Variants in SGK3 observed in about 807,000 individuals in gnomAD.
SGK3 encodes serum/glucocorticoid regulated kinase family member 3.
A neutral mutation model predicts 68.5 loss-of-function variants in SGK3; 47 were observed. The observed-to-expected ratio is 0.69, with a 90% CI of 0.54 to 0.87. The LOEUF is 0.87. Among genes scored for constraint, SGK3 ranks in the 40% least tolerant of loss-of-function variants. SGK3 has a pLI of 0.00. For missense variants in SGK3, 479 were observed against 575.5 expected, an observed-to-expected ratio of 0.83 and a Z score of 1.72; for synonymous variants, 181 against 189.1, an observed-to-expected ratio of 0.96 and a Z score of 0.35.
chr8:66,730,012 G>C (rs989289352), intron 1 of SGK3, among the ~76,000 whole-genome samples: 1 of 152,072 alleles, frequency 6.6e-6, no homozygotes, highest in Non-Finnish European at 1.5e-5. Flanking sequence ...TAAGTGTTAG[G>C]ATTACACCAG....
intron 1 of SGK3, among the ~76,000 whole-genome samples, chr8:66,729,191 T>TGGGCGA (rs1260374338): frequency 1.3e-5 from 2 of 150,856 alleles, no homozygotes. Context: ...TGCACTCCTC[T>TGGGCGA]CACGCCTGTA....
intron 8 of SGK3, among the ~76,000 whole-genome samples, chr8:66,834,585 A>G (rs185818334): frequency 2.6e-5 from 4 of 152,206 alleles, no homozygotes; most frequent in Admixed American, 2.6e-4. Context: ...TATGTATGCT[A>G]TGTTTAATAA....
Position 66,831,309 on chromosome 8 carries a change from A to G in SGK3, c.523A>G (p.Lys175Glu). Residue 175 changes from lysine to glutamate, a missense_variant and splice_region_variant, in exon 8 of 17, where the codon AAG becomes GAG. Around this residue, in one of 3 missense-constraint regions of SGK3, gnomAD observed 298 missense variants for 329.4 expected, o/e 0.90. Coordinates refer to ENST00000521198, the MANE Select transcript of SGK3 (RefSeq NM_001033578.3). Reference sequence around the variant, plus strand: ...AGTTATTGGAAAAGGCAGCTTTGGCAAGGTAAGAGTGTTTTGTGAGGTTTT... The same window carrying G: ...AGTTATTGGAAAAGGCAGCTTTGGCGAGGTAAGAGTGTTTTGTGAGGTTTT... ...LKVIGKGSFG[K>E]VLLAKRKLDG... 2.5e-6 allele frequency: 4 copies of G among 1,613,612 alleles called. No individual in the cohort carries two copies. Among genetic ancestry groups the G allele is most frequent in the Non-Finnish European group, 3.4e-6 (4 of 1,179,882 alleles).
intron 16 of SGK3, among the ~76,000 whole-genome samples, chr8:66,857,788 A>T (rs1293386878): frequency 2.6e-5 from 3 of 115,404 alleles, no homozygotes; most frequent in Non-Finnish European, 3.8e-5. Flanking sequence ...GTCTCAAAAA[A>T]GTGTGTGTGT....
chr8:66,851,051 A>T (rs1399001676), intron 16 of SGK3, 131 bp downstream of exon 16: 7 of 971,962 alleles, frequency 7.2e-6, no homozygotes, highest in Non-Finnish European at 7.5e-6. Flanking sequence ...GAAATATGTC[A>T]CTCAGGGTTG....
intron 1 of SGK3, among the ~76,000 whole-genome samples, chr8:66,752,666 G>GT (rs139625148): frequency 8.6e-5 from 13 of 151,980 alleles, no homozygotes; most frequent in Non-Finnish European, 1.5e-4. Flanking sequence ...AATGCAAGCT[G>GT]TTTTTTTCCA....
rs190702746 is a variant in SGK3, at chr8:66,735,907, G to A, written c.-122+23074G>A. Among the ~76,000 whole-genome samples the A allele has an allele frequency of 3.5e-3, 535 of 152,206 alleles. 4 individuals are homozygous for A. The highest frequency in any genetic ancestry group is 0.012 in the African/African-American group (510 of 41,520). The stretch of plus-strand genomic sequence containing the variant: ...ACTCAATAGATCTATCCAAATGTTG[G>A]TGTAATAATATGAAAAACAGAATAC... On this transcript the variant is annotated intron_variant, in intron 1 of 16. Transcript: ENST00000521198.
At chr8:66,764,585 C>T (rs1012623862) in intron 1 of SGK3, among the ~76,000 whole-genome samples, 2 of 152,094 alleles carry the variant, frequency 1.3e-5, no homozygotes, top group Admixed American at 1.3e-4. Flanking sequence ...ATCCTCCCAC[C>T]TCAGCCTCCT....
chr8:66,726,434 A>G (rs1338812798), intron 1 of SGK3, among the ~76,000 whole-genome samples: 4 of 152,136 alleles, frequency 2.6e-5, no homozygotes, highest in Non-Finnish European at 5.9e-5. Flanking sequence ...CATCCGAAAG[A>G]ACAGGCAGAA....
chr8:66,859,337 T>G, intron 16 of SGK3, 74 bp from the exon 17 acceptor site: 7 of 1,351,538 alleles, frequency 5.2e-6, no homozygotes, highest in Non-Finnish European at 6.8e-6. Context: ...CTGTCTCAAA[T>G]AAATAAATAA....
At chr8:66,718,916 C>T (rs939448925) in intron 1 of SGK3, among the ~76,000 whole-genome samples, 22 of 151,930 alleles carry the variant, frequency 1.4e-4, no homozygotes, top group Admixed American at 3.9e-4. Context: ...CTTTCCCCCC[C>T]GTTTTAATTT....
intron 1 of SGK3, among the ~76,000 whole-genome samples, chr8:66,781,907 C>T (rs750512212): frequency 6.6e-6 from 1 of 152,070 alleles, no homozygotes; most frequent in Non-Finnish European, 1.5e-5. Flanking sequence ...GGAAGGAAAA[C>T]AGGAAAAAGT....
At chr8:66,728,802 C>T (rs80107917) in intron 1 of SGK3, among the ~76,000 whole-genome samples, 19,894 of 151,826 alleles carry the variant, frequency 0.13, 2,488 homozygotes, top group African/African-American at 0.33. Flanking sequence ...TACCTATAGT[C>T]CTAGCTACTC....
intron 1 of SGK3, among the ~76,000 whole-genome samples, chr8:66,731,216 GA>G (rs1232864448): frequency 2.0e-5 from 3 of 152,138 alleles, no homozygotes; most frequent in Non-Finnish European, 4.4e-5. Flanking sequence ...CTATCTTGGA[GA>G]ATGTTTCATG....
intron 2 of SGK3, among the ~76,000 whole-genome samples, chr8:66,794,479 GA>G (rs377034278): frequency 0.016 from 2,289 of 140,530 alleles, 58 homozygotes; most frequent in African/African-American, 0.054. Context: ...TCCTCCCCCT[GA>G]AAAAAAAAAA....
intron 1 of SGK3, among the ~76,000 whole-genome samples, chr8:66,768,930 A>G (rs915790224): frequency 1.1e-4 from 16 of 152,132 alleles, no homozygotes; most frequent in African/African-American, 3.6e-4. Context: ...TCCTCCATAT[A>G]TAACATGTCT....
At chr8:66,835,214 A>G (rs573194605) in intron 8 of SGK3, among the ~76,000 whole-genome samples, 1 of 152,310 alleles carries the variant, frequency 6.6e-6, no homozygotes, top group South Asian at 2.1e-4. Flanking sequence ...CAAGGCTGCA[A>G]GTGAGTGAAC....
chr8:66,843,332 C>A, intron 13 of SGK3, 120 bp from the exon 14 acceptor site: 1 of 853,344 alleles, frequency 1.2e-6, no homozygotes, highest in Non-Finnish European at 1.8e-6. Flanking sequence ...CACTGGAAAT[C>A]TAGATAATTT....
intron 1 of SGK3, among the ~76,000 whole-genome samples, chr8:66,722,109 C>T (rs1480684978): frequency 1.3e-5 from 2 of 152,078 alleles, no homozygotes; most frequent in South Asian, 2.1e-4. Context: ...GGATCAGGCC[C>T]TGGAAACTGA....
Sources: allele counts gnomAD v4.1 joint callset (sites outside exome capture counted in the v4.1 genomes callset), GRCh38; gene constraint gnomAD v4.1.1; regional missense constraint gnomAD v4.1.1; transcripts MANE v1.5; gene names NCBI Gene and HGNC (gene_info 2026-07-23, HGNC 2026-07-21).